Variants in PANK1 observed in about 807,000 individuals in gnomAD.
PANK1 encodes pantothenic acid kinase 1.
PANK1 carries 18 observed loss-of-function variants against 40.1 expected under a neutral mutation model. The ratio of observed to expected loss-of-function variants is 0.45; its 90% CI spans 0.31 to 0.67. PANK1 has a LOEUF of 0.67. Among genes scored for constraint, PANK1 ranks in the 30% least tolerant of loss-of-function variants. PANK1 has a pLI of 0.06. For synonymous variants in PANK1, 242 were observed against 237.7 expected, an observed-to-expected ratio of 1.02 and a Z score of -0.17; for missense variants, 457 against 599.6, an observed-to-expected ratio of 0.76 and a Z score of 2.48.
intron 1 of PANK1, among the ~76,000 whole-genome samples, chr10:89,615,905 T>C (rs1353323228): frequency 6.6e-6 from 1 of 152,194 alleles, no homozygotes; most frequent in Non-Finnish European, 1.5e-5. Flanking sequence ...AAGAACATCC[T>C]AGTGCAGCTA....
intron 1 of PANK1, among the ~76,000 whole-genome samples, chr10:89,620,119 T>A (rs1353350726): frequency 2.0e-5 from 3 of 152,196 alleles, no homozygotes; most frequent in Non-Finnish European, 4.4e-5. Flanking sequence ...AGGATGTATA[T>A]CCCCTCAGGA....
downstream of PANK1, chr10:89,582,740 A>AT (rs1374972369): frequency 6.6e-6 from 1 of 152,232 alleles, no homozygotes; most frequent in African/African-American, 2.4e-5. Context: ...GAATTACCAA[A>AT]TATAGCAGAG....
intron 1 of PANK1, among the ~76,000 whole-genome samples, chr10:89,634,495 T>A (rs773740588): frequency 2.0e-5 from 3 of 152,226 alleles, no homozygotes; most frequent in Non-Finnish European, 4.4e-5. Flanking sequence ...TCATTCATCA[T>A]CTGCCAAAGG....
chr10:89,593,324 T>C lies in PANK1; in HGVS notation c.1077-4A>G, dbSNP rs753933950. On this transcript the variant is annotated splice_region_variant and splice_polypyrimidine_tract_variant and intron_variant, in intron 4 of 6. Transcript: ENST00000307534. ...TTTACTCATCATGTTGCCAAAGCTA[T>C]GTTGGAAATATCAGCGAGAGTGTTC... 5 of 1,613,308 alleles carry C rather than the reference T, an allele frequency of 3.1e-6. No homozygotes were observed. The African/African-American group carries it at 5.3e-5, about 17-fold the overall frequency.
At chr10:89,627,164 C>A (rs570593810) in intron 1 of PANK1, among the ~76,000 whole-genome samples, 1 of 151,666 alleles carries the variant, frequency 6.6e-6, no homozygotes, top group Admixed American at 6.6e-5. Flanking sequence ...CTGAGACCAA[C>A]TACAGTCACT....
intron 5 of PANK1, 140 bp from the exon 6 acceptor site, chr10:89,588,917 G>T (rs188206018): frequency 5.4e-6 from 3 of 559,316 alleles, no homozygotes; most frequent in Non-Finnish European, 8.5e-6. Context: ...TTTCAACATC[G>T]CCAAAATGAA....
At chr10:89,610,559 T>C (rs1177867142) in intron 2 of PANK1, among the ~76,000 whole-genome samples, 1 of 152,148 alleles carries the variant, frequency 6.6e-6, no homozygotes, top group Non-Finnish European at 1.5e-5. Flanking sequence ...CTATAATCAA[T>C]GAGGTAAATG....
chr10:89,598,285 T>A (rs1285795167), intron 3 of PANK1, among the ~76,000 whole-genome samples: 1 of 152,224 alleles, frequency 6.6e-6, no homozygotes, highest in Non-Finnish European at 1.5e-5. Context: ...GGGTGAGTAG[T>A]CCTGCAGAAT....
At chr10:89,592,711 C>T in intron 5 of PANK1, 1 of 533,850 alleles carries the variant, frequency 1.9e-6, no homozygotes, top group Non-Finnish European at 3.8e-6. Context: ...CCTTTTTGTG[C>T]CTGGGACTCT....
chr10:89,643,820 T>C, intron 1 of PANK1: 3 of 1,596,024 alleles, frequency 1.9e-6, no homozygotes, highest in Non-Finnish European at 1.7e-6. Context: ...CACAGCGTCC[T>C]GTGGGGAAGG....
intron 1 of PANK1, among the ~76,000 whole-genome samples, chr10:89,624,334 G>C (rs575992742): frequency 6.6e-6 from 1 of 152,076 alleles, no homozygotes; most frequent in South Asian, 2.1e-4. Context: ...GAACATTTAG[G>C]TTAAGGAAAA....
chr10:89,609,318 C>A (rs1322803712), intron 2 of PANK1, among the ~76,000 whole-genome samples: 2 of 152,232 alleles, frequency 1.3e-5, no homozygotes, highest in East Asian at 1.9e-4. Flanking sequence ...CCCGCCTCAA[C>A]CTTCCAAAGT....
At chr10:89,601,072 T>G (rs1844766813) in intron 2 of PANK1, among the ~76,000 whole-genome samples, 1 of 152,108 alleles carries the variant, frequency 6.6e-6, no homozygotes, top group African/African-American at 2.4e-5. Context: ...GTACTTCTCG[T>G]GTCTTCATTG....
chr10:89,615,583 C>T (rs1490064446), intron 1 of PANK1, among the ~76,000 whole-genome samples: 1 of 152,102 alleles, frequency 6.6e-6, no homozygotes, highest in Non-Finnish European at 1.5e-5. Flanking sequence ...TAAGAATTAT[C>T]TTATCTCTGG....
chr10:89,587,709 C>A (rs1844245212), intron 6 of PANK1, among the ~76,000 whole-genome samples: 1 of 152,124 alleles, frequency 6.6e-6, no homozygotes, highest in South Asian at 2.1e-4. Context: ...AGTAAGTGCA[C>A]ATTTACACAT....
At chr10:89,585,015 G>A (rs551296709) in intron 6 of PANK1, among the ~76,000 whole-genome samples, 11 of 152,292 alleles carry the variant, frequency 7.2e-5, no homozygotes, top group Middle Eastern at 3.4e-3. Flanking sequence ...AATTTTTAGA[G>A]AACTATGTGT....
intron 6 of PANK1, among the ~76,000 whole-genome samples, chr10:89,587,832 T>C (rs1168868246): frequency 6.6e-6 from 1 of 152,232 alleles, no homozygotes; most frequent in Non-Finnish European, 1.5e-5. Context: ...TAATCGTATA[T>C]ATTTATGGGG....
rs1467093815 is a variant in PANK1, at chr10:89,583,312, TAC to T, written c.*1092_*1093del. 6.6e-5 allele frequency: 10 copies of T among 152,286 alleles called. No individual in the cohort carries two copies. The highest frequency in any genetic ancestry group is 3.9e-4 in the East Asian group (2 of 5,194). The allele number at this position is 152,286 out of a possible 1,614,324, so 9.4% of individuals were successfully genotyped here. A position where few individuals can be genotyped will look rare whatever the true frequency, so the allele number is the denominator to read the frequency against. On this transcript the variant is annotated 3_prime_UTR_variant, in exon 7 of 7. Transcript: ENST00000307534. ...TTAATTTTAGAAACTGAGATTGAAG[TAC>T]AGTTTTTAGTTTAAAATATTAAAAA...
intron 5 of PANK1, among the ~76,000 whole-genome samples, chr10:89,589,760 A>G (rs1387900441): frequency 1.3e-5 from 2 of 151,610 alleles, no homozygotes; most frequent in Admixed American, 1.3e-4. Context: ...GTTTTAATAA[A>G]TTTTCATTAA....
Sources: allele counts gnomAD v4.1 joint callset (sites outside exome capture counted in the v4.1 genomes callset), GRCh38; gene constraint gnomAD v4.1.1; transcripts MANE v1.5; gene names NCBI Gene and HGNC (gene_info 2026-07-23, HGNC 2026-07-21).